Variants in USH2A observed in about 807,000 individuals in gnomAD.
The protein encoded by USH2A is Usher syndrome 2A (autosomal recessive, mild).
Under a neutral mutation model 538.9 loss-of-function variants are expected in USH2A, and 443 were observed. The observed-to-expected ratio is 0.82, with a 90% CI of 0.76 to 0.89. The LOEUF is 0.89. Ranked by LOEUF, USH2A falls within the 40% of genes least tolerant of loss-of-function variation. The probability of loss-of-function intolerance (pLI) is 0.00; values close to 1 mark genes in which losing one functional copy is unlikely to be tolerated. For synonymous variants in USH2A, 2,413 were observed against 2,273.5 expected, an observed-to-expected ratio of 1.06 and a Z score of -1.75; for missense variants, 6,633 against 6,324.8, an observed-to-expected ratio of 1.05 and a Z score of -1.65.
chr1:216,396,092 C>T (rs547903989), intron 3 of USH2A, among the ~76,000 whole-genome samples: 4 of 151,944 alleles, frequency 2.6e-5, no homozygotes, highest in Admixed American at 1.3e-4. Flanking sequence ...AATGGCATAA[C>T]ATAGAACCAG....
At chr1:215,887,824 A>C (rs1187882911) in intron 41 of USH2A, among the ~76,000 whole-genome samples, 7 of 152,154 alleles carry the variant, frequency 4.6e-5, no homozygotes, top group African/African-American at 1.7e-4. Flanking sequence ...GCCTGTGTGT[A>C]TTTACACAAA....
At chr1:216,404,527 T>TA (rs1341824008) in intron 3 of USH2A, among the ~76,000 whole-genome samples, 1 of 151,700 alleles carries the variant, frequency 6.6e-6, no homozygotes, top group Non-Finnish European at 1.5e-5. Flanking sequence ...AGGAAGGATA[T>TA]AGCCTTTTCA....
At chr1:215,831,029 C>T (rs1027870174) in intron 47 of USH2A, among the ~76,000 whole-genome samples, 3 of 152,082 alleles carry the variant, frequency 2.0e-5, no homozygotes, top group African/African-American at 4.8e-5. Flanking sequence ...AAAAATCACC[C>T]AGAATTACAC....
intron 61 of USH2A, among the ~76,000 whole-genome samples, chr1:215,713,405 C>T (rs552288056): frequency 6.6e-6 from 1 of 152,274 alleles, no homozygotes; most frequent in African/African-American, 2.4e-5. Flanking sequence ...CTAACCACCT[C>T]ACTCAATAGC....
chr1:215,635,625 C>T (rs924277721), intron 69 of USH2A, among the ~76,000 whole-genome samples: 11 of 150,920 alleles, frequency 7.3e-5, no homozygotes, highest in East Asian at 3.9e-4. Context: ...GTGTGATCTC[C>T]GCTCACTGCA....
In USH2A at chr1:216,196,532, AT is replaced by A. The variant is rs1394213388; in HGVS notation, c.4251+20del. 2 of 1,612,986 alleles carry A rather than the reference AT, an allele frequency of 1.2e-6. No individual in the cohort carries two copies. Among genetic ancestry groups the A allele is most frequent in the Middle Eastern group, 1.7e-4 (1 of 6,052 alleles). On this transcript the variant is annotated intron_variant, in intron 19 of 71. Transcript: ENST00000307340. ...AGCCCTAAGCCAATTCTGAAAGGACATTAGTTAAAAATAACAATACCTGTGA... is the reference window on the plus strand; with the variant it reads ...AGCCCTAAGCCAATTCTGAAAGGACATAGTTAAAAATAACAATACCTGTGA...
intron 4 of USH2A, among the ~76,000 whole-genome samples, chr1:216,362,465 G>C (rs920910629): frequency 6.6e-6 from 1 of 152,058 alleles, no homozygotes; most frequent in East Asian, 1.9e-4. Flanking sequence ...AAGGAAACAA[G>C]TACTTGGCTA....
chr1:215,952,422 A>G (rs1666944997), intron 37 of USH2A, among the ~76,000 whole-genome samples: 1 of 152,140 alleles, frequency 6.6e-6, no homozygotes, highest in South Asian at 2.1e-4. Context: ...TCCTGTCATT[A>G]TGATGTTAGC....
intron 46 of USH2A, 102 bp from the exon 47 acceptor site, chr1:215,838,205 A>G (rs1663584240): frequency 1.1e-6 from 1 of 920,982 alleles, no homozygotes; most frequent in Admixed American, 1.8e-5. Flanking sequence ...AATCTCTTGT[A>G]TTTCTCTATA....
chr1:215,748,666 C>A (rs1660547632), intron 58 of USH2A, among the ~76,000 whole-genome samples: 1 of 152,164 alleles, frequency 6.6e-6, no homozygotes, highest in Non-Finnish European at 1.5e-5. Flanking sequence ...AGACAAACCA[C>A]AGAGTGGTGT....
chr1:216,291,250 A>T (rs964360427), intron 10 of USH2A, among the ~76,000 whole-genome samples: 1 of 152,012 alleles, frequency 6.6e-6, no homozygotes, highest in African/African-American at 2.4e-5. Flanking sequence ...TGCCCATCTT[A>T]TGGTTTTTCA....
At chr1:215,977,093 A>G (rs1025414122) in intron 35 of USH2A, among the ~76,000 whole-genome samples, 4 of 151,888 alleles carry the variant, frequency 2.6e-5, no homozygotes, top group African/African-American at 9.7e-5. Context: ...AAACACCTCT[A>G]TGTACACAAA....
chr1:216,273,593 C>T (rs1479882569), intron 11 of USH2A, among the ~76,000 whole-genome samples: 1 of 151,954 alleles, frequency 6.6e-6, no homozygotes, highest in Non-Finnish European at 1.5e-5. Context: ...CTGTAATATA[C>T]ACCTTGATAT....
At chr1:216,238,641 C>T (rs1046445907) in intron 13 of USH2A, among the ~76,000 whole-genome samples, 1 of 152,102 alleles carries the variant, frequency 6.6e-6, no homozygotes, top group Non-Finnish European at 1.5e-5. Flanking sequence ...TAACAAATTG[C>T]CTATAAATTT....
At chr1:216,076,403 T>G (rs1485679538) in intron 27 of USH2A, among the ~76,000 whole-genome samples, 1 of 152,168 alleles carries the variant, frequency 6.6e-6, no homozygotes, top group African/African-American at 2.4e-5. Context: ...TGTTTTAAAC[T>G]TCTGTTATTA....
intron 31 of USH2A, 152 bp downstream of exon 31, chr1:216,048,382 C>T (rs994957778): frequency 2.6e-6 from 2 of 769,174 alleles, no homozygotes; most frequent in African/African-American, 3.4e-5. Flanking sequence ...TCGCACCCCC[C>T]CAAAAAATGG....
At chr1:216,380,953 G>A (rs2038912737) in intron 3 of USH2A, among the ~76,000 whole-genome samples, 1 of 151,956 alleles carries the variant, frequency 6.6e-6, no homozygotes, top group Non-Finnish European at 1.5e-5. Flanking sequence ...ACATATGAAT[G>A]AATAAAGTAT....
At chr1:216,102,688 TAC>T (rs1307994226) in intron 21 of USH2A, among the ~76,000 whole-genome samples, 3 of 152,000 alleles carry the variant, frequency 2.0e-5, no homozygotes, top group African/African-American at 7.2e-5. Flanking sequence ...TAGTCCCAGC[TAC>T]TCGGGAGGCT....
chr1:216,084,054 T>C (rs74143933), intron 25 of USH2A, among the ~76,000 whole-genome samples: 2,124 of 152,160 alleles, frequency 0.014, 48 homozygotes, highest in African/African-American at 0.048. Flanking sequence ...GGGCTTTTAT[T>C]TGATGAACAA....
Sources: gnomAD v4.1 joint callset for allele counts (sites outside exome capture counted in the v4.1 genomes callset) on GRCh38, gnomAD v4.1.1 for gene constraint, MANE v1.5 for transcripts, NCBI Gene and HGNC (gene_info 2026-07-23, HGNC 2026-07-21) for gene names.